The following TMEM109 variants were observed in gnomAD, a reference collection of about 807,000 sequenced individuals.
TMEM109 encodes the protein voltage-gated monoatomic cation channel TMEM109.
Under a neutral mutation model 26.4 loss-of-function variants are expected in TMEM109, and 19 were observed. The ratio of observed to expected loss-of-function variants is 0.72; its 90% CI spans 0.50 to 1.06. The LOEUF is 1.06. Ranked by LOEUF, TMEM109 falls within the 50% of genes least tolerant of loss-of-function variation. The probability of loss-of-function intolerance (pLI) is 0.00; values close to 1 mark genes in which losing one functional copy is unlikely to be tolerated. For missense variants in TMEM109, 262 were observed against 303.4 expected (o/e 0.86, Z 1.01); for synonymous variants, 129 against 142.0 (o/e 0.91, Z 0.65).
At chr11:60,916,851 C>A (rs1242709137) in intron 1 of TMEM109, among the ~76,000 whole-genome samples, 1 of 152,200 alleles carries the variant, frequency 6.6e-6, no homozygotes, top group Non-Finnish European at 1.5e-5. Flanking sequence ...CCTCCTAGGG[C>A]TGAGGAAACG....
chr11:60,919,410 A>T (rs1856207722), intron 1 of TMEM109, among the ~76,000 whole-genome samples: 1 of 152,210 alleles, frequency 6.6e-6, no homozygotes, highest in African/African-American at 2.4e-5. Context: ...CCTTAGAGAG[A>T]TCTTCTCGCC....
At chr11:60,919,239 C>A (rs1410089991) in intron 1 of TMEM109, 1 of 190,774 alleles carries the variant, frequency 5.2e-6, no homozygotes, top group Non-Finnish European at 1.1e-5. Context: ...TGGCAGTAAT[C>A]CTACTTGTGT....
chr11:60,922,368 TTC>T lies in TMEM109; in HGVS notation c.*207_*208del. On this transcript the variant is annotated 3_prime_UTR_variant, in exon 4 of 4. Transcript: ENST00000227525. ...GTCCTTGCGGCCCTGTCTTCTGAGG[TTC>T]TCTGTCTGGGGTTGGCTCTCTTAAC... 6.5e-7 allele frequency: 1 copy of T among 1,532,764 alleles called. No individual in the cohort carries two copies. The highest frequency in any genetic ancestry group is 8.7e-7 in the Non-Finnish European group (1 of 1,145,124). The allele number at this position is 1,532,764 out of a possible 1,614,324, so 94.9% of individuals were successfully genotyped here.
In TMEM109 at chr11:60,921,946, C is replaced by A; in HGVS notation, c.513C>A (p.Gly171=). The change falls in exon 4 of 4, where the codon GGC becomes GGA. Residue 171 remains glycine (G), a synonymous_variant. Transcript: ENST00000227525. Reference sequence around the variant, plus strand: ...TGAAGCTTGTCATCTTCCTGGCCGGCTTCGTGGCCCTGATGAGGTCGGTGC... The same window carrying A: ...TGAAGCTTGTCATCTTCCTGGCCGGATTCGTGGCCCTGATGAGGTCGGTGC... The part of the protein sequence containing the change: ...WGLKLVIFLA[G]FVALMRSVPD... 2 of 1,614,048 alleles carry A rather than the reference C, an allele frequency of 1.2e-6. No individual in the cohort carries two copies.
chr11:60,920,891 G>A lies in TMEM109; in HGVS notation c.243G>A (p.Ser81=), dbSNP rs142127058. The A allele has an allele frequency of 2.4e-5, 39 of 1,613,828 alleles. No individual in the cohort carries two copies. The highest frequency in any genetic ancestry group is 8.9e-5 in the East Asian group (4 of 44,882). The change falls in exon 3 of 4, where the codon TCG becomes TCA. Residue 81 remains serine (S), a synonymous_variant. Transcript: ENST00000227525. ...GCTCCGTGCTCTTTCCACAGTCTTCGTCCCAAGTGTTGTGGGCCATCTCAT... is the reference window on the plus strand; with the variant it reads ...GCTCCGTGCTCTTTCCACAGTCTTCATCCCAAGTGTTGTGGGCCATCTCAT... ...PETMHLVSES[S]SQVLWAISSA...
intron 1 of TMEM109, among the ~76,000 whole-genome samples, chr11:60,916,235 A>G (rs1391701001): frequency 6.6e-6 from 1 of 152,242 alleles, no homozygotes; most frequent in Non-Finnish European, 1.5e-5. Context: ...GAAGAGGGTA[A>G]TAATACCTTA....
At chr11:60,914,766 G>A (rs1856154735) in intron 1 of TMEM109, among the ~76,000 whole-genome samples, 1 of 152,278 alleles carries the variant, frequency 6.6e-6, no homozygotes, top group Admixed American at 6.5e-5. Context: ...TTAGGGCGCG[G>A]AGCGGCAGGG....
In TMEM109 at chr11:60,922,931, T is replaced by C. The variant is rs1856267439; in HGVS notation, c.*766T>C. 1 of 153,816 alleles carries C rather than the reference T, an allele frequency of 6.5e-6. No individual in the cohort carries two copies. The allele number at this position is 153,816 out of a possible 1,614,324, so 9.5% of individuals were successfully genotyped here. A position where few individuals can be genotyped will look rare whatever the true frequency, so the allele number is the denominator to read the frequency against. On this transcript the variant is annotated 3_prime_UTR_variant, in exon 4 of 4. Coordinates refer to ENST00000227525, the MANE Select transcript of TMEM109 (RefSeq NM_024092.3). ...ATTCCCCATCAGCCAAAGCAAAAGA[T>C]GGCTGCTGCTTTGTAGGCATGTGCC...
At position 60,914,525 on chromosome 11, in the gene TMEM109, T is replaced by A. The variant is rs1590614158; in HGVS notation, c.-9+257T>A. 2.0e-5 allele frequency among the ~76,000 whole-genome samples: 3 copies of A among 151,960 alleles called. No homozygotes were observed. The East Asian group carries it at 5.8e-4, about 30-fold the overall frequency. ...GCGAGGTTCCGAGGTCCGGCAGAGGTGGAGCGGCTCCCGGGCGTGGGGACC... is the reference window on the plus strand; with the variant it reads ...GCGAGGTTCCGAGGTCCGGCAGAGGAGGAGCGGCTCCCGGGCGTGGGGACC... On this transcript the variant is annotated intron_variant, in intron 1 of 3. Coordinates refer to ENST00000227525, the MANE Select transcript of TMEM109 (RefSeq NM_024092.3).
In TMEM109 at chr11:60,922,169, G is replaced by T. The variant is rs781503937; in HGVS notation, c.*4G>T. On this transcript the variant is annotated 3_prime_UTR_variant, in exon 4 of 4. Transcript: ENST00000227525. ...CCGCAGTGTGGAGGAGGAGTGAGCC[G>T]GATGCCCCACACACCGCCAGTGTCA... 4 of 1,576,130 alleles carry T rather than the reference G, an allele frequency of 2.5e-6. No homozygotes were observed. The highest frequency in any genetic ancestry group is 1.8e-5 in the Admixed American group (1 of 54,644).
chr11:60,916,192 A>C (rs1216997590), intron 1 of TMEM109, among the ~76,000 whole-genome samples: 1 of 152,220 alleles, frequency 6.6e-6, no homozygotes, highest in East Asian at 1.9e-4. Flanking sequence ...TAAGTCACTC[A>C]ACCTCTCTAA....
rs762189218 is a variant in TMEM109 at position 60,920,907 on chromosome 11, G to A, written c.259G>A (p.Ala87Thr). The stretch of plus-strand genomic sequence containing the variant: ...ACAGTCTTCGTCCCAAGTGTTGTGG[G>A]CCATCTCATCAGCCATTTCTGTGGC... ...VSESSSQVLW[A>T]ISSAISVAFF... The change falls in exon 3 of 4, where the codon GCC (alanine) becomes ACC (threonine). Residue 87 changes from alanine to threonine, a missense_variant. Transcript: ENST00000227525. The A allele has an allele frequency of 5.0e-6, 8 of 1,614,086 alleles. No homozygotes were observed. Among genetic ancestry groups the A allele is most frequent in the Non-Finnish European group, 5.9e-6 (7 of 1,179,942 alleles).
Position 60,922,194 on chromosome 11 carries a change from A to AT in TMEM109, c.*30dup. 6.4e-7 allele frequency: 1 copy of AT among 1,558,956 alleles called. No homozygotes were observed. The highest frequency in any genetic ancestry group is 1.2e-5 in the South Asian group (1 of 85,552). ...GGATGCCCCACACACCGCCAGTGTC[A>AT]TACCAAAGAGCTGAGCTGCTTCGGG... On this transcript the variant is annotated 3_prime_UTR_variant, in exon 4 of 4. Transcript: ENST00000227525.
At chr11:60,917,707 A>G (rs1856188211) in intron 1 of TMEM109, among the ~76,000 whole-genome samples, 1 of 151,964 alleles carries the variant, frequency 6.6e-6, no homozygotes, top group Non-Finnish European at 1.5e-5. Flanking sequence ...CCAGGATGGG[A>G]TACAGTGGCA....
chr11:60,923,057 C>T lies in TMEM109; in HGVS notation c.*892C>T, dbSNP rs977153343. The stretch of plus-strand genomic sequence containing the variant: ...CTCCTTGTCTGCACAACTGCATGCA[C>T]TTCTCTCCCCATCGCTCCACAACCT... On this transcript the variant is annotated 3_prime_UTR_variant, in exon 4 of 4. Transcript: ENST00000227525. 1.3e-5 allele frequency: 2 copies of T among 152,588 alleles called. No homozygotes were observed. The highest frequency in any genetic ancestry group is 4.8e-5 in the African/African-American group (2 of 41,458). The allele number at this position is 152,588 out of a possible 1,614,324, so 9.5% of individuals were successfully genotyped here.
chr11:60,914,737 C>T (rs1366376005), intron 1 of TMEM109, among the ~76,000 whole-genome samples: 1 of 152,274 alleles, frequency 6.6e-6, no homozygotes, highest in Non-Finnish European at 1.5e-5. Context: ...CACCCTGTCT[C>T]CGGGAGGCTG....
chr11:60,922,615 C>G lies in TMEM109; in HGVS notation c.*450C>G. ...GCTCCCTTCTTGTTTTCCTCATCCT[C>G]CTACCCTGTACTCCCACCAAACCAT... is the stretch of plus-strand genomic sequence containing the variant. On this transcript the variant is annotated 3_prime_UTR_variant, in exon 4 of 4. Transcript: ENST00000227525. The G allele has an allele frequency of 2.8e-6, 1 of 358,742 alleles. No individual in the cohort carries two copies. The highest frequency in any genetic ancestry group is 5.5e-6 in the Non-Finnish European group (1 of 183,362). The allele number at this position is 358,742 out of a possible 1,614,324, so 22.2% of individuals were successfully genotyped here. A position where few individuals can be genotyped will look rare whatever the true frequency, so the allele number is the denominator to read the frequency against.
At chr11:60,920,757 C>A in intron 2 of TMEM109, 129 bp from the exon 3 acceptor site, 1 of 837,998 alleles carries the variant, frequency 1.2e-6, no homozygotes, top group Non-Finnish European at 2.0e-6. Flanking sequence ...CTGACCCAGG[C>A]CTGTCACCAC....
At chr11:60,915,508 AAG>A (rs1178984979) in intron 1 of TMEM109, among the ~76,000 whole-genome samples, 1 of 152,204 alleles carries the variant, frequency 6.6e-6, no homozygotes, top group Non-Finnish European at 1.5e-5. Context: ...CCCTCTCTGG[AAG>A]AGTCTGAGTG....
Sources: gnomAD v4.1 joint callset for allele counts (sites outside exome capture counted in the v4.1 genomes callset) on GRCh38, gnomAD v4.1.1 for gene constraint, MANE v1.5 for transcripts, NCBI Gene and HGNC (gene_info 2026-07-23, HGNC 2026-07-21) for gene names.